Variants in MAST1 observed in about 807,000 individuals in gnomAD.
The protein encoded by MAST1 is microtubule associated serine/threonine kinase 1.
A neutral mutation model predicts 124.6 loss-of-function variants in MAST1; 40 were observed. That is an observed-to-expected ratio of 0.32 (90% confidence interval 0.25 to 0.42). MAST1 has a LOEUF of 0.42. Ranked by LOEUF, MAST1 falls within the 10% of genes least tolerant of loss-of-function variation. The probability of loss-of-function intolerance (pLI) is 1.00; values close to 1 mark genes in which losing one functional copy is unlikely to be tolerated. For missense variants in MAST1, 1,558 were observed against 2,181.9 expected (o/e 0.71, Z 5.70); for synonymous variants, 938 against 939.4 (o/e 1.00, Z 0.03).
intron 18 of MAST1, 80 bp from the exon 19 acceptor site, chr19:12,867,394 G>A: frequency 6.5e-7 from 1 of 1,528,978 alleles, no homozygotes; most frequent in Non-Finnish European, 9.0e-7. Context: ...GTTTTGCGGG[G>A]GATCCACTGC....
chr19:12,851,854 T>C lies in MAST1; in HGVS notation c.775-80T>C, dbSNP rs1969963318. Reference sequence around the variant, plus strand: ...GTAAGATGGGACAGTAGCAGCAGTATGTACTCTGAGGGGCTGAGAGAGGGG... The same window carrying C: ...GTAAGATGGGACAGTAGCAGCAGTACGTACTCTGAGGGGCTGAGAGAGGGG... On this transcript the variant is annotated intron_variant, in intron 7 of 25. Transcript: ENST00000251472. The C allele has an allele frequency of 3.9e-5, 40 of 1,026,998 alleles. No individual in the cohort carries two copies. The South Asian group carries it at 5.5e-4, about 14-fold the overall frequency. 63.6% of individuals were successfully genotyped at this position (1,026,998 alleles called of 1,614,324 possible).
chr19:12,847,795 G>A lies in MAST1; in HGVS notation c.565-53G>A. The A allele has an allele frequency of 2.5e-6, 4 of 1,581,182 alleles. No individual in the cohort carries two copies. The highest frequency in any genetic ancestry group is 3.4e-6 in the Non-Finnish European group (4 of 1,160,728). ...CCTCGGTGCGCAGCGCAGGCTCCTG[G>A]CGGCCGCAGCCTTCGGGCACAGCCC... On this transcript the variant is annotated intron_variant, in intron 6 of 25. Transcript: ENST00000251472. This position sits in a 1 kb window ranked among gnomAD's most constrained non-coding sequence, Gnocchi z 5.5.
intron 2 of MAST1, 101 bp from the exon 3 acceptor site, chr19:12,840,890 A>G (rs1969818136): frequency 1.3e-6 from 1 of 778,872 alleles, no homozygotes; most frequent in Non-Finnish European, 2.4e-6. Context: ...TGGTCTCCCC[A>G]TAATAGGCGG....
rs749416276 is a variant in MAST1 at position 12,841,107 on chromosome 19, C to A, written c.248+41C>A. The A allele has an allele frequency of 3.8e-5, 35 of 913,774 alleles. No individual in the cohort carries two copies. Among genetic ancestry groups the A allele is most frequent in the Admixed American group, 3.4e-4 (19 of 56,468 alleles). 56.6% of individuals were successfully genotyped at this position (913,774 alleles called of 1,614,324 possible). A position where few individuals can be genotyped will look rare whatever the true frequency, so the allele number is the denominator to read the frequency against. On this transcript the variant is annotated intron_variant, in intron 3 of 25. Coordinates refer to ENST00000251472, the MANE Select transcript of MAST1 (RefSeq NM_014975.3). This position sits in a 1 kb window ranked among gnomAD's most constrained non-coding sequence, Gnocchi z 4.3. ...CCAGGGCCCCAGAACCCTGGGCAGACCCTCCCCAACCACTGTCTGGGCCGC... is the reference window on the plus strand; with the variant it reads ...CCAGGGCCCCAGAACCCTGGGCAGAACCTCCCCAACCACTGTCTGGGCCGC...
Position 12,874,443 on chromosome 19 carries a change from CG to C in MAST1, c.4289del (p.Gly1430AlafsTer9). The C allele has an allele frequency of 6.3e-7, 1 of 1,596,832 alleles. No homozygotes were observed. Among genetic ancestry groups the C allele is most frequent in the Non-Finnish European group, 8.5e-7 (1 of 1,178,282 alleles). ...GGCCGGCGCAGCAGCTCTGGCGAGG[CG>C]GGCACACCCCTGGTACCCATTGTCG... ...ETGRRSSSGE[A>X]GTPLVPIVVE... On this transcript the variant is annotated frameshift_variant, in exon 26 of 26. Transcript: ENST00000251472. LOFTEE classifies it low-confidence loss of function (END_TRUNC). This position sits in a 1 kb window ranked among gnomAD's most constrained non-coding sequence, Gnocchi z 6.6.
rs779708516 is a variant in MAST1 at position 12,847,800 on chromosome 19, C to T, written c.565-48C>T. ...GTGCGCAGCGCAGGCTCCTGGCGGC[C>T]GCAGCCTTCGGGCACAGCCCCGCGC... On this transcript the variant is annotated intron_variant, in intron 6 of 25. Transcript: ENST00000251472. This position sits in a 1 kb window ranked among gnomAD's most constrained non-coding sequence, Gnocchi z 5.5. 1.9e-6 allele frequency: 3 copies of T among 1,579,810 alleles called. No homozygotes were observed. The highest frequency in any genetic ancestry group is 2.7e-5 in the African/African-American group (2 of 74,298).
Position 12,874,140 on chromosome 19 carries a change from T to G in MAST1, c.3983T>G (p.Val1328Gly), listed in dbSNP as rs1283736032. Reference protein sequence around the residue: ...EGLGAPRQVAVRRLGRQESPL... With the variant: ...EGLGAPRQVAGRRLGRQESPL... ...CTTGGCGCGCCCCGGCAGGTCGCCG[T>G]CCGCCGCCTGGGCCGACAGGAGTCA... Residue 1328 changes from valine to glycine, a missense_variant, in exon 26 of 26, where the codon GTC becomes GGC. By Grantham distance (109) the Val-to-Gly change is moderately radical (BLOSUM62 -3). Coordinates refer to ENST00000251472, the MANE Select transcript of MAST1 (RefSeq NM_014975.3). This position sits in a 1 kb window ranked among gnomAD's most constrained non-coding sequence, Gnocchi z 6.6. 1 of 1,540,882 alleles carries G rather than the reference T, an allele frequency of 6.5e-7. No homozygotes were observed. The highest frequency in any genetic ancestry group is 1.4e-5 in the African/African-American group (1 of 73,096).
At position 12,848,222 on chromosome 19, in the gene MAST1, T is replaced by C. The variant is rs1010966096; in HGVS notation, c.774+165T>C. 4 of 621,736 alleles carry C rather than the reference T, an allele frequency of 6.4e-6. No individual in the cohort carries two copies. In the Admixed American group the frequency reaches 8.8e-5, roughly 14 times the overall value. 38.5% of individuals were successfully genotyped at this position (621,736 alleles called of 1,614,324 possible). A position where few individuals can be genotyped will look rare whatever the true frequency, so the allele number is the denominator to read the frequency against. On this transcript the variant is annotated intron_variant, in intron 7 of 25. Coordinates refer to ENST00000251472, the MANE Select transcript of MAST1 (RefSeq NM_014975.3). ...GTGGAAGTGGTCCCTTCCCTAGGTCTGACCGACTGAAGAGGCAGGAATTTC... is the reference window on the plus strand; with the variant it reads ...GTGGAAGTGGTCCCTTCCCTAGGTCCGACCGACTGAAGAGGCAGGAATTTC...
chr19:12,839,755 C>T (rs1969803828), intron 1 of MAST1, among the ~76,000 whole-genome samples: 1 of 152,110 alleles, frequency 6.6e-6, no homozygotes, highest in Non-Finnish European at 1.5e-5. Flanking sequence ...GGGGATCATG[C>T]ATCCTGGCCA....
At chr19:12,868,392 A>C (rs1970189943) in intron 20 of MAST1, among the ~76,000 whole-genome samples, 1 of 152,000 alleles carries the variant, frequency 6.6e-6, no homozygotes, top group Non-Finnish European at 1.5e-5. Context: ...TACAGTCGTG[A>C]GCCACCACAC....
chr19:12,871,758 AC>A, intron 24 of MAST1, among the ~76,000 whole-genome samples: 1 of 152,000 alleles, frequency 6.6e-6, no homozygotes, highest in South Asian at 2.1e-4. Context: ...TCTACAAAAA[AC>A]TTAAAAAACT....
In MAST1 at chr19:12,871,725, G is replaced by T. The variant is rs375600487; in HGVS notation, c.3263+553G>T. Among the ~76,000 whole-genome samples, 14 of 151,946 alleles carry T rather than the reference G, an allele frequency of 9.2e-5. No homozygotes were observed. The South Asian group carries it at 1.5e-3, about 16-fold the overall frequency. ...ACTTGAGCCCAGGAGTCAAGATTAG[G>T]GGCAACATAGAGAGACCCCATCTCT... On this transcript the variant is annotated intron_variant, in intron 24 of 25. Transcript: ENST00000251472.
Position 12,874,377 on chromosome 19 carries a change from T to C in MAST1, c.4220T>C (p.Val1407Ala), listed in dbSNP as rs1189103938. The change falls in exon 26 of 26, where the codon GTG (valine) becomes GCG (alanine). Residue 1407 changes from valine (V) to alanine (A), a missense_variant. By Grantham distance (64) the Val-to-Ala change is moderately conservative. This residue lies in a region of MAST1 where 263 missense variants were observed against 310.9 expected (regional missense o/e 0.85). Coordinates refer to ENST00000251472, the MANE Select transcript of MAST1 (RefSeq NM_014975.3). The surrounding 1 kb of genome is among the most constrained non-coding windows in gnomAD (Gnocchi z 6.6). Reference sequence around the variant, plus strand: ...GGCACTGGCGGGATGGCCAGGGCTGTGGCCAAGGCGGCGCTGAGCCCGGTG... The same window carrying C: ...GGCACTGGCGGGATGGCCAGGGCTGCGGCCAAGGCGGCGCTGAGCCCGGTG... Reference protein sequence around the residue: ...EDGTGGMARAVAKAALSPVQE... With the variant: ...EDGTGGMARAAAKAALSPVQE... 2 of 1,598,102 alleles carry C rather than the reference T, an allele frequency of 1.3e-6. No individual in the cohort carries two copies. The highest frequency in any genetic ancestry group is 1.7e-6 in the Non-Finnish European group (2 of 1,179,020).
chr19:12,855,156 C>T (rs1322043333), intron 10 of MAST1, among the ~76,000 whole-genome samples: 1 of 151,982 alleles, frequency 6.6e-6, no homozygotes, highest in African/African-American at 2.4e-5. Context: ...ACTGCTGGAA[C>T]CAGGGAGACA....
chr19:12,843,587 A>G lies in MAST1; in HGVS notation c.307A>G (p.Thr103Ala), dbSNP rs1216305561. ...CCCTTCATCTGGCTATGGCACCAAC[A>G]CGCCCAGTTCCACCGTCTCGGTGAG... ...SLPSSGYGTN[T>A]PSSTVSSSCS... is the part of the protein sequence containing the mutation. Residue 103 changes from threonine (T) to alanine (A), a missense_variant, in exon 4 of 26, where the codon ACG (threonine) becomes GCG (alanine). Thr to Ala is a moderately conservative substitution (Grantham distance 58, BLOSUM62 0). This residue lies in a region of MAST1 where 165 missense variants were observed against 315.3 expected (regional missense o/e 0.52). Coordinates refer to ENST00000251472, the MANE Select transcript of MAST1 (RefSeq NM_014975.3). The surrounding 1 kb of genome is among the most constrained non-coding windows in gnomAD (Gnocchi z 4.9). 1 of 1,612,338 alleles carries G rather than the reference A, an allele frequency of 6.2e-7. No individual in the cohort carries two copies. Among genetic ancestry groups the G allele is most frequent in the Admixed American group, 1.7e-5 (1 of 59,894 alleles).
chr19:12,849,519 C>T (rs1031591550), intron 7 of MAST1, among the ~76,000 whole-genome samples: 2 of 151,916 alleles, frequency 1.3e-5, no homozygotes, highest in Non-Finnish European at 2.9e-5. Flanking sequence ...AAAAAGTTAG[C>T]CGGGCTTGGT....
intron 20 of MAST1, 128 bp downstream of exon 20, chr19:12,868,105 T>A: frequency 1.5e-5 from 4 of 268,202 alleles, no homozygotes; most frequent in African/African-American, 9.4e-5. Context: ...AATTTGGGAT[T>A]TTTTTTTTTT....
intron 1 of MAST1, among the ~76,000 whole-genome samples, chr19:12,839,158 C>T (rs1013566260): frequency 7.9e-5 from 12 of 151,656 alleles, no homozygotes; most frequent in African/African-American, 2.9e-4. Context: ...AACACAACCC[C>T]CCCCCCCGAA....
chr19:12,840,848 T>C lies in MAST1; in HGVS notation c.173-143T>C. 5 of 762,580 alleles carry C rather than the reference T, an allele frequency of 6.6e-6. 1 individual carries two copies. The South Asian group carries it at 6.8e-5, about 10-fold the overall frequency. 47.2% of individuals were successfully genotyped at this position (762,580 alleles called of 1,614,324 possible). A position where few individuals can be genotyped will look rare whatever the true frequency, so the allele number is the denominator to read the frequency against. ...CCAGGCTGACTCGGCAACGAAAAAA[T>C]TTAGAGAGGCGGGGCCACAGGCGAA... On this transcript the variant is annotated intron_variant, in intron 2 of 25. Transcript: ENST00000251472.
Sources: allele counts gnomAD v4.1 joint callset (sites outside exome capture counted in the v4.1 genomes callset), GRCh38; gene constraint gnomAD v4.1.1; regional missense constraint gnomAD v4.1.1; non-coding constraint Gnocchi (gnomAD v3.1); transcripts MANE v1.5; gene names NCBI Gene and HGNC (gene_info 2026-07-23, HGNC 2026-07-21).